SUCLG2: variants seen among roughly 807,000 people sequenced by gnomAD.
SUCLG2 encodes the protein succinate-CoA ligase GDP-forming subunit beta.
A neutral mutation model predicts 47.9 loss-of-function variants in SUCLG2; 42 were observed. That is an observed-to-expected ratio of 0.88 (90% confidence interval 0.69 to 1.14). The LOEUF is 1.14. Ranked by LOEUF, SUCLG2 falls within the 50% of genes most tolerant of loss-of-function variation. SUCLG2 has a pLI of 0.00. For synonymous variants in SUCLG2, 195 were observed against 197.3 expected (o/e 0.99, Z 0.10); for missense variants, 571 against 525.9 (o/e 1.09, Z -0.84).
chr3:67,388,708 G>A (rs1157506079), intron 10 of SUCLG2, among the ~76,000 whole-genome samples: 1 of 152,190 alleles, frequency 6.6e-6, no homozygotes, highest in African/African-American at 2.4e-5. Flanking sequence ...CCCTTTAAGG[G>A]ACAAAAGTCA....
At chr3:67,620,443 G>T (rs1260834196) in intron 1 of SUCLG2, among the ~76,000 whole-genome samples, 2 of 151,674 alleles carry the variant, frequency 1.3e-5, no homozygotes, top group Admixed American at 6.6e-5. Flanking sequence ...AAATTAGCTG[G>T]GCGTGGTGGC....
At chr3:67,537,948 C>T (rs1036045340) in intron 2 of SUCLG2, among the ~76,000 whole-genome samples, 1 of 152,088 alleles carries the variant, frequency 6.6e-6, no homozygotes, top group African/African-American at 2.4e-5. Context: ...TGTTTAAGTT[C>T]CTTGCAGATT....
chr3:67,610,221 C>T (rs968145692), intron 1 of SUCLG2, among the ~76,000 whole-genome samples: 1 of 152,132 alleles, frequency 6.6e-6, no homozygotes, highest in African/African-American at 2.4e-5. Context: ...TGGGTAGGGC[C>T]ATTGTGTGTT....
chr3:67,475,118 G>A (rs1267495179), intron 9 of SUCLG2, among the ~76,000 whole-genome samples: 1 of 152,232 alleles, frequency 6.6e-6, no homozygotes, highest in Non-Finnish European at 1.5e-5. Flanking sequence ...TGGCATAAGT[G>A]ATCAACAAAA....
intron 9 of SUCLG2, among the ~76,000 whole-genome samples, chr3:67,462,163 A>ATC (rs138933638): frequency 1.6e-3 from 246 of 149,746 alleles, no homozygotes; most frequent in Admixed American, 2.9e-3. Context: ...TCAAAAAACA[A>ATC]TCTCTCTCTC....
chr3:67,466,713 T>A (rs1704481980), intron 9 of SUCLG2, among the ~76,000 whole-genome samples: 1 of 152,204 alleles, frequency 6.6e-6, no homozygotes, highest in Admixed American at 6.5e-5. Context: ...GATCAAGTAC[T>A]CTCATCTCCA....
At chr3:67,520,755 G>C (rs1706079515) in intron 4 of SUCLG2, 121 bp from the exon 5 acceptor site, 1 of 1,172,482 alleles carries the variant, frequency 8.5e-7, no homozygotes, top group African/African-American at 1.5e-5. Context: ...AGCCCAGGGA[G>C]TGAGTTTGCA....
chr3:67,628,531 T>C (rs1247814366), intron 1 of SUCLG2, among the ~76,000 whole-genome samples: 1 of 152,198 alleles, frequency 6.6e-6, no homozygotes, highest in Admixed American at 6.5e-5. Context: ...ATGGAACTGA[T>C]ATGGTTTGGC....
chr3:67,404,365 C>A (rs1344475507), intron 9 of SUCLG2, among the ~76,000 whole-genome samples: 1 of 151,164 alleles, frequency 6.6e-6, no homozygotes. Context: ...AATGAGTGAA[C>A]AAGAAGCAGT....
At chr3:67,653,502 A>C (rs945449464) in intron 1 of SUCLG2, among the ~76,000 whole-genome samples, 2 of 152,230 alleles carry the variant, frequency 1.3e-5, no homozygotes, top group Admixed American at 1.3e-4. Flanking sequence ...GAACTCAAAA[A>C]ATCATTAATC....
rs149094482 is a variant in SUCLG2, at chr3:67,439,123, C to T, written c.1063-38272G>A. ...AACGTAATCCATCACATAAACAGAA[C>T]CAATGACAAAAACCACATGATTATC... is the stretch of plus-strand genomic sequence containing the variant. On this transcript the variant is annotated intron_variant, in intron 9 of 10. Transcript: ENST00000307227. Among the ~76,000 whole-genome samples, 397 of 152,208 alleles carry T rather than the reference C, an allele frequency of 2.6e-3. 1 individual carries two copies. The highest frequency in any genetic ancestry group is 9.0e-3 in the African/African-American group (374 of 41,542).
chr3:67,595,977 T>G (rs1442361176), intron 2 of SUCLG2, among the ~76,000 whole-genome samples: 2 of 152,236 alleles, frequency 1.3e-5, no homozygotes, highest in East Asian at 1.9e-4. Flanking sequence ...GGATGGCAGA[T>G]CTGAACATTC....
At chr3:67,631,274 G>A (rs1001728633) in intron 1 of SUCLG2, among the ~76,000 whole-genome samples, 6 of 152,158 alleles carry the variant, frequency 3.9e-5, no homozygotes, top group Admixed American at 3.9e-4. Flanking sequence ...TGACCCTCTT[G>A]TTACCTGCAG....
intron 8 of SUCLG2, 30 bp downstream of exon 8, chr3:67,498,104 A>C (rs116409825): frequency 1.1e-5 from 17 of 1,572,610 alleles, no homozygotes; most frequent in African/African-American, 1.4e-5. Flanking sequence ...AGAATCCACA[A>C]AGCATTCTTT....
chr3:67,408,081 T>C (rs1702855477), intron 9 of SUCLG2, among the ~76,000 whole-genome samples: 1 of 152,196 alleles, frequency 6.6e-6, no homozygotes, highest in African/African-American at 2.4e-5. Context: ...GTTGTAATAA[T>C]ACAAATAAAC....
At chr3:67,389,701 G>GTT (rs200472805) in intron 10 of SUCLG2, among the ~76,000 whole-genome samples, 8 of 147,590 alleles carry the variant, frequency 5.4e-5, no homozygotes, top group African/African-American at 1.7e-4. Flanking sequence ...GGTTCCTTCT[G>GTT]TTTTTTTTTT....
intron 1 of SUCLG2, among the ~76,000 whole-genome samples, chr3:67,651,480 C>G (rs1015455194): frequency 6.6e-6 from 1 of 152,184 alleles, no homozygotes; most frequent in African/African-American, 2.4e-5. Flanking sequence ...AAGGCCATCT[C>G]CAGGATCACT....
intron 2 of SUCLG2, among the ~76,000 whole-genome samples, chr3:67,547,218 G>C (rs1706890127): frequency 6.6e-6 from 1 of 152,166 alleles, no homozygotes; most frequent in African/African-American, 2.4e-5. Context: ...AAGGCAATAT[G>C]TGTTAAGGAG....
chr3:67,626,636 C>G lies in SUCLG2; in HGVS notation c.85-17040G>C, dbSNP rs114540705. On this transcript the variant is annotated intron_variant, in intron 1 of 10. Transcript: ENST00000307227. ...AAAACTGCTTTTTAAAAGTACATGC[C>G]GGGTGCAGTTGCTCACGCCTGTAAT... Among the ~76,000 whole-genome samples, 508 of 152,074 alleles carry G rather than the reference C, an allele frequency of 3.3e-3. 4 individuals are homozygous for G. Among genetic ancestry groups the G allele is most frequent in the African/African-American group, 0.012 (482 of 41,520 alleles).
Sources: gnomAD v4.1 joint callset for allele counts (sites outside exome capture counted in the v4.1 genomes callset) on GRCh38, gnomAD v4.1.1 for gene constraint, MANE v1.5 for transcripts, NCBI Gene and HGNC (gene_info 2026-07-23, HGNC 2026-07-21) for gene names.